Variants in UNC13C observed in about 807,000 individuals in gnomAD.
UNC13C encodes the protein unc-13 homolog C, also known as protein unc-13 homolog C.
A neutral mutation model predicts 245.4 loss-of-function variants in UNC13C; 174 were observed. The observed-to-expected ratio is 0.71, with a 90% CI of 0.63 to 0.80. The LOEUF is 0.80. Ranked by LOEUF, UNC13C falls within the 30% of genes least tolerant of loss-of-function variation. UNC13C has a pLI of 0.00. For missense variants in UNC13C, 2,829 were observed against 2,602.9 expected, an observed-to-expected ratio of 1.09 and a Z score of -1.89; for synonymous variants, 992 against 895.1, an observed-to-expected ratio of 1.11 and a Z score of -1.93.
At chr15:54,091,837 C>T (rs1267000757) in intron 2 of UNC13C, among the ~76,000 whole-genome samples, 1 of 151,920 alleles carries the variant, frequency 6.6e-6, no homozygotes, top group Non-Finnish European at 1.5e-5. Flanking sequence ...GGCTTGATTC[C>T]TGCTTCCAGC....
intron 30 of UNC13C, among the ~76,000 whole-genome samples, chr15:54,620,579 T>C (rs1414035506): frequency 6.6e-6 from 1 of 152,050 alleles, no homozygotes; most frequent in Admixed American, 6.6e-5. Context: ...ACATTAAAGC[T>C]TTGGCTCTAT....
intron 4 of UNC13C, among the ~76,000 whole-genome samples, chr15:54,169,421 C>T (rs1012296621): frequency 1.8e-4 from 27 of 152,102 alleles, no homozygotes; most frequent in African/African-American, 6.3e-4. Flanking sequence ...TAGTATTTTG[C>T]CCATTACTAA....
Position 54,542,312 on chromosome 15 carries a change from A to T in UNC13C, c.5697-4410A>T, listed in dbSNP as rs138494143. Among the ~76,000 whole-genome samples, 38 of 152,236 alleles carry T rather than the reference A, an allele frequency of 2.5e-4. 1 individual carries two copies. The highest frequency in any genetic ancestry group is 9.1e-4 in the African/African-American group (38 of 41,548). ...GCTTCCATGTAGTCATGCGGTTTTG[A>T]GTGAGTTTCTTAATCCTGAGTTCTA... On this transcript the variant is annotated intron_variant, in intron 26 of 32. Transcript: ENST00000260323.
At chr15:54,347,828 C>G (rs753967184) in intron 17 of UNC13C, among the ~76,000 whole-genome samples, 1 of 152,136 alleles carries the variant, frequency 6.6e-6, no homozygotes, top group Non-Finnish European at 1.5e-5. Context: ...GTCAAATTCT[C>G]TCACTTCTTA....
At chr15:54,164,841 T>C (rs1329442148) in intron 4 of UNC13C, among the ~76,000 whole-genome samples, 2 of 152,186 alleles carry the variant, frequency 1.3e-5, no homozygotes, top group African/African-American at 4.8e-5. Flanking sequence ...TTGGAATAAT[T>C]TCATCATGAT....
intron 4 of UNC13C, among the ~76,000 whole-genome samples, chr15:54,207,477 T>C (rs1288635132): frequency 6.6e-6 from 1 of 152,038 alleles, no homozygotes; most frequent in Non-Finnish European, 1.5e-5. Flanking sequence ...CTGCCCAATG[T>C]TGAACTTAGG....
chr15:54,569,330 T>G (rs1897650533), intron 30 of UNC13C, among the ~76,000 whole-genome samples: 1 of 152,164 alleles, frequency 6.6e-6, no homozygotes, highest in Non-Finnish European at 1.5e-5. Context: ...TATAAAAATG[T>G]ATAGGAGTTG....
intron 10 of UNC13C, among the ~76,000 whole-genome samples, chr15:54,292,820 C>T (rs978992875): frequency 6.7e-6 from 1 of 150,192 alleles, no homozygotes. Flanking sequence ...TGCCTATATT[C>T]ATAATTGAAA....
intron 2 of UNC13C, among the ~76,000 whole-genome samples, chr15:54,114,556 C>G (rs1375851805): frequency 1.3e-5 from 2 of 152,108 alleles, no homozygotes; most frequent in Non-Finnish European, 2.9e-5. Flanking sequence ...TTAACATATT[C>G]TACTATATAA....
At chr15:54,508,915 A>G (rs1390692642) in intron 23 of UNC13C, among the ~76,000 whole-genome samples, 2 of 152,150 alleles carry the variant, frequency 1.3e-5, no homozygotes, top group Non-Finnish European at 2.9e-5. Flanking sequence ...CGACCATAAT[A>G]TAGGCCGGGC....
chr15:54,202,071 C>CA (rs112377320), intron 4 of UNC13C, among the ~76,000 whole-genome samples: 4,767 of 149,460 alleles, frequency 0.032, 238 homozygotes, highest in African/African-American at 0.11. Flanking sequence ...ACAGTAGCTG[C>CA]AAAAAAAAAT....
intron 12 of UNC13C, among the ~76,000 whole-genome samples, chr15:54,298,956 A>G (rs1279661826): frequency 6.6e-6 from 1 of 152,210 alleles, no homozygotes; most frequent in Non-Finnish European, 1.5e-5. Context: ...ACTAAGAAAG[A>G]AATGAGGAAC....
chr15:54,589,384 C>T (rs557314438), intron 30 of UNC13C, among the ~76,000 whole-genome samples: 11 of 147,804 alleles, frequency 7.4e-5, no homozygotes, highest in African/African-American at 1.8e-4. Flanking sequence ...CTGCAGCCTC[C>T]GCCTCCTGGG....
chr15:54,473,231 G>T (rs1892555712), intron 19 of UNC13C, among the ~76,000 whole-genome samples: 2 of 149,024 alleles, frequency 1.3e-5, no homozygotes, highest in East Asian at 2.0e-4. Flanking sequence ...TTATTTTATT[G>T]ATACATAATA....
At position 54,014,460 on chromosome 15, in the gene UNC13C, C is replaced by A. The variant is rs1352502972; in HGVS notation, c.1557C>A (p.Ile519=). 2 of 1,613,716 alleles carry A rather than the reference C, an allele frequency of 1.2e-6. No homozygotes were observed. The highest frequency in any genetic ancestry group is 2.2e-5 in the South Asian group (2 of 91,066). ...CCTCACAGTTGCCAGAATCAGATAT[C>A]TTGGAAAAGCAAACCACAACCCATT... ...KISSQLPESD[I]LEKQTTTHYA... is the part of the protein sequence containing the mutation. The change falls in exon 2 of 33, where the codon ATC becomes ATA. Residue 519 remains isoleucine (I), a synonymous_variant. Coordinates refer to ENST00000260323, the MANE Select transcript of UNC13C (RefSeq NM_001080534.3).
intron 2 of UNC13C, among the ~76,000 whole-genome samples, chr15:54,023,595 G>A (rs974035124): frequency 2.6e-5 from 4 of 152,144 alleles, no homozygotes; most frequent in African/African-American, 9.7e-5. Context: ...AATTTTTATA[G>A]AAGGTAAGAA....
the UNC13C span, among the ~76,000 whole-genome samples, chr15:53,847,619 G>T: frequency 6.6e-6 from 1 of 151,686 alleles, no homozygotes; most frequent in African/African-American, 2.4e-5. Context: ...GCCCACCTCG[G>T]CCTCCCAAAG....
chr15:54,003,643 C>A (rs1452894503), intron 1 of UNC13C, among the ~76,000 whole-genome samples: 1 of 152,152 alleles, frequency 6.6e-6, no homozygotes, highest in East Asian at 1.9e-4. Flanking sequence ...GTGTCCATCC[C>A]CTCAAGTATT....
chr15:54,081,646 C>G (rs1040204790), intron 2 of UNC13C, among the ~76,000 whole-genome samples: 2 of 151,490 alleles, frequency 1.3e-5, no homozygotes, highest in African/African-American at 4.9e-5. Flanking sequence ...CATGAGAGAT[C>G]TTTCTTCATC....
Sources: gnomAD v4.1 joint callset for allele counts (sites outside exome capture counted in the v4.1 genomes callset) on GRCh38, gnomAD v4.1.1 for gene constraint, MANE v1.5 for transcripts, NCBI Gene and HGNC (gene_info 2026-07-23, HGNC 2026-07-21) for gene names.